Variants in VPS13C observed in about 807,000 individuals in gnomAD.
VPS13C encodes the protein intermembrane lipid transfer protein VPS13C.
VPS13C carries 358 observed loss-of-function variants against 456.8 expected under a neutral mutation model. The ratio of observed to expected loss-of-function variants is 0.78; its 90% CI spans 0.72 to 0.86. The LOEUF is 0.86. Among genes scored for constraint, VPS13C ranks in the 40% least tolerant of loss-of-function variants. The pLI is 0.00. For missense variants in VPS13C, 4,818 were observed against 4,385.4 expected (o/e 1.10, Z -2.79); for synonymous variants, 1,578 against 1,486.7 (o/e 1.06, Z -1.41).
Position 62,060,228 on chromosome 15 carries a change from C to G in VPS13C, c.100+47G>C, listed in dbSNP as rs768820739. 3 of 1,159,494 alleles carry G rather than the reference C, an allele frequency of 2.6e-6. No homozygotes were observed. In the Admixed American group the frequency reaches 5.4e-5, roughly 21 times the overall value. The allele number at this position is 1,159,494 out of a possible 1,614,324, so 71.8% of individuals were successfully genotyped here. A position where few individuals can be genotyped will look rare whatever the true frequency, so the allele number is the denominator to read the frequency against. On this transcript the variant is annotated intron_variant, in intron 1 of 84. Transcript: ENST00000644861. ...GAATCCCGGACGGAGCAGCCCTCGG[C>G]TGGGCCCTCAGCGCCCGCAGCCCAC...
chr15:62,000,757 T>C (rs73414700), intron 15 of VPS13C, 131 bp from the exon 16 acceptor site: 13 of 642,974 alleles, frequency 2.0e-5, no homozygotes, highest in African/African-American at 3.9e-5. Context: ...TAGTATAAAT[T>C]TGAATGTATT....
At chr15:61,888,022 T>C (rs1476923245) in intron 67 of VPS13C, among the ~76,000 whole-genome samples, 1 of 152,136 alleles carries the variant, frequency 6.6e-6, no homozygotes, top group Non-Finnish European at 1.5e-5. Flanking sequence ...AACCTAATTT[T>C]AAAATGGACA....
At position 61,962,776 on chromosome 15, in the gene VPS13C, A is replaced by G. The variant is rs1412702772; in HGVS notation, c.3408T>C (p.Asp1136=). 1.2e-6 allele frequency: 2 copies of G among 1,606,924 alleles called. No homozygotes were observed. The highest frequency in any genetic ancestry group is 1.7e-6 in the Non-Finnish European group (2 of 1,175,546). ...FARLENIIVT[D]VDPKTVHKKA... ...TCTTATGAACTGTCTTTGGATCAAC[A>G]TCTGTGACAATAATATTTTCTAGTC... Residue 1136 remains aspartate, a synonymous_variant, in exon 33 of 85, where the codon GAT becomes GAC. Coordinates refer to ENST00000644861, the MANE Select transcript of VPS13C (RefSeq NM_020821.3).
chr15:62,000,322 G>A (rs891038152), intron 16 of VPS13C, among the ~76,000 whole-genome samples: 1 of 152,024 alleles, frequency 6.6e-6, no homozygotes. Context: ...CCAAGATCAC[G>A]CCACTGCATC....
intron 60 of VPS13C, among the ~76,000 whole-genome samples, chr15:61,916,332 G>A (rs984456175): frequency 6.6e-6 from 1 of 152,140 alleles, no homozygotes; most frequent in East Asian, 1.9e-4. Context: ...GTCCATTAGA[G>A]CTATGTCATT....
At chr15:61,887,214 T>C (rs1896335173) in intron 67 of VPS13C, among the ~76,000 whole-genome samples, 1 of 152,226 alleles carries the variant, frequency 6.6e-6, no homozygotes, top group Non-Finnish European at 1.5e-5. Context: ...ATAAGGTTAA[T>C]ATACAAGTCA....
rs182512297 is a variant in VPS13C at position 61,858,774 on chromosome 15, G to A, written c.10953-2365C>T. 1.5e-4 allele frequency among the ~76,000 whole-genome samples: 23 copies of A among 152,300 alleles called. No homozygotes were observed. The highest frequency in any genetic ancestry group is 3.9e-4 in the East Asian group (2 of 5,180). On this transcript the variant is annotated intron_variant, in intron 82 of 84. Coordinates refer to ENST00000644861, the MANE Select transcript of VPS13C (RefSeq NM_020821.3). This position sits in a 1 kb window ranked among gnomAD's most constrained non-coding sequence, Gnocchi z 4.4. ...AGCTTCTAGGAGCTAAGAGCAGCTC[G>A]CTGGCTGACAGAGGTCAAAGAAACA...
chr15:61,942,294 T>C (rs1454925269), intron 45 of VPS13C, among the ~76,000 whole-genome samples: 1 of 151,582 alleles, frequency 6.6e-6, no homozygotes, highest in Non-Finnish European at 1.5e-5. Context: ...ATATTTTTCA[T>C]TTTATAAAAT....
chr15:61,951,700 A>C (rs2044799803), intron 39 of VPS13C, 124 bp downstream of exon 39: 1 of 1,066,254 alleles, frequency 9.4e-7, no homozygotes, highest in African/African-American at 1.6e-5. Context: ...CTGTTTTTGA[A>C]AAGTTGAGTT....
intron 26 of VPS13C, among the ~76,000 whole-genome samples, chr15:61,973,003 G>A: frequency 6.6e-6 from 1 of 151,994 alleles, no homozygotes. Flanking sequence ...TTTCCCTATA[G>A]TTCATTCACT....
intron 1 of VPS13C, among the ~76,000 whole-genome samples, chr15:62,056,427 G>A (rs575787753): frequency 3.3e-4 from 51 of 152,374 alleles, no homozygotes; most frequent in African/African-American, 1.2e-3. Flanking sequence ...CTTCTGTTAT[G>A]CCCGGACAGG....
chr15:61,877,321 G>A (rs12902409), intron 74 of VPS13C, among the ~76,000 whole-genome samples: 3 of 151,522 alleles, frequency 2.0e-5, no homozygotes, highest in African/African-American at 4.8e-5. Flanking sequence ...GTTTATTTTC[G>A]TATTTCGCAC....
Position 61,873,424 on chromosome 15 carries a change from G to A in VPS13C, c.10415-15C>T. The A allele has an allele frequency of 1.2e-6, 2 of 1,611,572 alleles. No individual in the cohort carries two copies. The highest frequency in any genetic ancestry group is 1.3e-5 in the African/African-American group (1 of 74,822). On this transcript the variant is annotated splice_polypyrimidine_tract_variant and intron_variant, in intron 77 of 84. Coordinates refer to ENST00000644861, the MANE Select transcript of VPS13C (RefSeq NM_020821.3). ...TGCTGCACCACCTATCAAAGACAAGGGATTAATTTCTAGAATATACAAGGA... is the reference window on the plus strand; with the variant it reads ...TGCTGCACCACCTATCAAAGACAAGAGATTAATTTCTAGAATATACAAGGA...
At chr15:61,893,024 T>A (rs1335460759) in intron 66 of VPS13C, among the ~76,000 whole-genome samples, 1 of 152,152 alleles carries the variant, frequency 6.6e-6, no homozygotes, top group East Asian at 1.9e-4. Context: ...GAGTCACTGG[T>A]GGTCAAGAGA....
intron 58 of VPS13C, 102 bp downstream of exon 58, chr15:61,919,187 A>T: frequency 8.6e-7 from 1 of 1,157,772 alleles, no homozygotes; most frequent in Non-Finnish European, 1.2e-6. Flanking sequence ...CTGAATAATC[A>T]GAATTGACCT....
In VPS13C at chr15:61,917,549, T is replaced by C; in HGVS notation, c.7847A>G (p.His2616Arg). The C allele has an allele frequency of 6.2e-7, 1 of 1,614,038 alleles. No homozygotes were observed. The highest frequency in any genetic ancestry group is 1.1e-5 in the South Asian group (1 of 91,080). The change falls in exon 60 of 85, where the codon CAT becomes CGT. Residue 2616 changes from histidine to arginine, a missense_variant. By Grantham distance (29) the His-to-Arg change is conservative. Around this residue, in one of 3 missense-constraint regions of VPS13C, gnomAD observed 4,552 missense variants for 4,130.6 expected, o/e 1.10. Transcript: ENST00000644861. The stretch of plus-strand genomic sequence containing the variant: ...CATGCATCTGACTTCCCTGCTCCTA[T>C]GAAGTTCTTCCTTCCAGGAAATATA... ...TTYISWKEELHRSREVRCMLQ... is the reference protein window; with the variant it reads ...TTYISWKEELRRSREVRCMLQ...
At chr15:62,044,360 T>C in intron 1 of VPS13C, 105 bp from the exon 2 acceptor site, 2 of 649,072 alleles carry the variant, frequency 3.1e-6, no homozygotes, top group Non-Finnish European at 5.0e-6. Flanking sequence ...GTGCTAAGAA[T>C]ACAATGATAA....
chr15:61,951,787 T>C (rs762067518), intron 39 of VPS13C, 37 bp downstream of exon 39: 148 of 1,576,034 alleles, frequency 9.4e-5, no homozygotes, highest in Non-Finnish European at 1.3e-4. Flanking sequence ...ATCATCTGCC[T>C]AATGAATAAT....
chr15:61,918,741 C>T (rs927681628), intron 58 of VPS13C, among the ~76,000 whole-genome samples: 6 of 151,836 alleles, frequency 4.0e-5, no homozygotes, highest in Non-Finnish European at 5.9e-5. Flanking sequence ...TCTGATGTTA[C>T]AGGTAGGAAA....
Sources: gnomAD v4.1 joint callset for allele counts (sites outside exome capture counted in the v4.1 genomes callset) on GRCh38, gnomAD v4.1.1 for gene constraint, gnomAD v4.1.1 regional missense constraint, Gnocchi (gnomAD v3.1) non-coding constraint, MANE v1.5 for transcripts, NCBI Gene and HGNC (gene_info 2026-07-23, HGNC 2026-07-21) for gene names.